NIBAN1: variants seen among roughly 807,000 people sequenced by gnomAD.
The protein encoded by NIBAN1 is protein Niban 1.
A neutral mutation model predicts 75.1 loss-of-function variants in NIBAN1; 81 were observed. The ratio of observed to expected loss-of-function variants is 1.08; its 90% CI spans 0.90 to 1.30. NIBAN1 has a LOEUF of 1.30. NIBAN1 is among the 50% of genes most tolerant of loss of function. NIBAN1 has a pLI of 0.00. For synonymous variants in NIBAN1, 436 were observed against 424.8 expected (o/e 1.03, Z -0.32); for missense variants, 1,133 against 1,128.1 (o/e 1.00, Z -0.06).
At chr1:184,917,967 C>A (rs1657438783) in intron 1 of NIBAN1, among the ~76,000 whole-genome samples, 1 of 152,172 alleles carries the variant, frequency 6.6e-6, no homozygotes, top group Admixed American at 6.5e-5. Context: ...AAAAACGCAA[C>A]CCCACTGAAC....
intron 5 of NIBAN1, among the ~76,000 whole-genome samples, chr1:184,871,642 A>C (rs1320804378): frequency 6.6e-6 from 1 of 152,188 alleles, no homozygotes; most frequent in Non-Finnish European, 1.5e-5. Flanking sequence ...GCAAGTCTTG[A>C]AGCTAGTTTT....
chr1:184,923,129 A>T (rs1407200644), intron 1 of NIBAN1, among the ~76,000 whole-genome samples: 1 of 152,196 alleles, frequency 6.6e-6, no homozygotes, highest in Non-Finnish European at 1.5e-5. Context: ...TTACTCAAGA[A>T]ACCTTTGCTC....
At chr1:184,796,644 A>G (rs890380625) in intron 13 of NIBAN1, among the ~76,000 whole-genome samples, 2 of 152,204 alleles carry the variant, frequency 1.3e-5, no homozygotes, top group South Asian at 2.1e-4. Flanking sequence ...GGCAAATCCA[A>G]TAACAACAAC....
At chr1:184,839,691 G>C (rs1294805728) in intron 5 of NIBAN1, among the ~76,000 whole-genome samples, 1 of 151,960 alleles carries the variant, frequency 6.6e-6, no homozygotes, top group African/African-American at 2.4e-5. Context: ...CACCTCCCGG[G>C]TTCAAGCGAT....
At chr1:184,856,810 G>T (rs569827028) in intron 5 of NIBAN1, among the ~76,000 whole-genome samples, 203 of 152,322 alleles carry the variant, frequency 1.3e-3, no homozygotes, top group African/African-American at 4.4e-3. Flanking sequence ...TAAGTGTTTG[G>T]CAAAAGAAGG....
At position 184,823,125 on chromosome 1, in the gene NIBAN1, C is replaced by A. The variant is rs558716791; in HGVS notation, c.985+42G>T. 1.1e-5 allele frequency: 18 copies of A among 1,600,510 alleles called. No homozygotes were observed. The African/African-American group carries it at 2.4e-4, about 21-fold the overall frequency. On this transcript the variant is annotated intron_variant, in intron 8 of 13. Transcript: ENST00000367511. Reference sequence around the variant, plus strand: ...GCTATGTGGTGGATCCCTGCATGTACAGCTTATTTAATTAGTAAGAGCATG... The same window carrying A: ...GCTATGTGGTGGATCCCTGCATGTAAAGCTTATTTAATTAGTAAGAGCATG...
intron 6 of NIBAN1, among the ~76,000 whole-genome samples, chr1:184,830,986 C>T (rs906987716): frequency 4.2e-5 from 5 of 118,102 alleles, no homozygotes; most frequent in African/African-American, 1.4e-4. Flanking sequence ...GGCCACAGAG[C>T]GAGACTCCTC....
At chr1:184,972,695 C>T (rs1465033035) in intron 1 of NIBAN1, among the ~76,000 whole-genome samples, 1 of 152,212 alleles carries the variant, frequency 6.6e-6, no homozygotes, top group Admixed American at 6.5e-5. Context: ...TCTGCCCTAA[C>T]TCCCTCGTAC....
chr1:184,892,457 AC>A (rs987915865), intron 3 of NIBAN1, among the ~76,000 whole-genome samples: 2 of 152,216 alleles, frequency 1.3e-5, no homozygotes, highest in African/African-American at 4.8e-5. Flanking sequence ...GTCATACAAA[AC>A]ATAAGGTGTC....
At chr1:184,812,105 A>G (rs1405050127) in intron 9 of NIBAN1, among the ~76,000 whole-genome samples, 1 of 152,144 alleles carries the variant, frequency 6.6e-6, no homozygotes, top group Non-Finnish European at 1.5e-5. Context: ...GGCCTCCCTG[A>G]GCTCTTCACC....
chr1:184,939,675 C>T lies in NIBAN1; in HGVS notation c.55+34627G>A, dbSNP rs114935854. On this transcript the variant is annotated intron_variant, in intron 1 of 13. Coordinates refer to ENST00000367511, the MANE Select transcript of NIBAN1 (RefSeq NM_052966.4). ...GAAAAACTGTGGGCAAGTTATCTAACTTTCCTGTGCTTTGCTTTCCTCATT... is the reference window on the plus strand; with the variant it reads ...GAAAAACTGTGGGCAAGTTATCTAATTTTCCTGTGCTTTGCTTTCCTCATT... 5.5e-3 allele frequency among the ~76,000 whole-genome samples: 838 copies of T among 152,292 alleles called. 7 individuals are homozygous for T. Among genetic ancestry groups the T allele is most frequent in the Middle Eastern group, 0.017 (5 of 294 alleles).
intron 1 of NIBAN1, among the ~76,000 whole-genome samples, chr1:184,909,307 T>C (rs1016179788): frequency 6.6e-6 from 1 of 152,200 alleles, no homozygotes; most frequent in African/African-American, 2.4e-5. Context: ...TCCTATGTTT[T>C]TTTCTTTTTC....
At chr1:184,868,846 G>A (rs73050643) in intron 5 of NIBAN1, among the ~76,000 whole-genome samples, 10,581 of 152,104 alleles carry the variant, frequency 0.07, 1,217 homozygotes, top group African/African-American at 0.24. Context: ...GCTTGAAGTC[G>A]GCCTGCTTGG....
intron 1 of NIBAN1, among the ~76,000 whole-genome samples, chr1:184,950,759 G>A (rs1033581922): frequency 1.3e-5 from 2 of 152,090 alleles, no homozygotes; most frequent in Admixed American, 6.5e-5. Context: ...GACAATAATC[G>A]ACATAGAACA....
chr1:184,797,997 C>G lies in NIBAN1; in HGVS notation c.1666+82G>C, dbSNP rs570976438. On this transcript the variant is annotated intron_variant, in intron 13 of 13. Coordinates refer to ENST00000367511, the MANE Select transcript of NIBAN1 (RefSeq NM_052966.4). Reference sequence around the variant, plus strand: ...TGTCCATTTCCTCTTCTCTTTTCCTCCCTGACTGGCCTTACAGAGTCCTAT... The same window carrying G: ...TGTCCATTTCCTCTTCTCTTTTCCTGCCTGACTGGCCTTACAGAGTCCTAT... The G allele has an allele frequency of 1.1e-4, 78 of 735,898 alleles. No individual in the cohort carries two copies. In the African/African-American group the frequency reaches 1.2e-3, roughly 12 times the overall value. 45.6% of individuals were successfully genotyped at this position (735,898 alleles called of 1,614,324 possible). A position where few individuals can be genotyped will look rare whatever the true frequency, so the allele number is the denominator to read the frequency against.
chr1:184,812,927 T>G (rs1216510275), intron 9 of NIBAN1, among the ~76,000 whole-genome samples: 1 of 152,254 alleles, frequency 6.6e-6, no homozygotes, highest in Non-Finnish European at 1.5e-5. Context: ...TCTGGGAGAT[T>G]ACCTACTTTG....
At chr1:184,858,738 C>T (rs1055172517) in intron 5 of NIBAN1, among the ~76,000 whole-genome samples, 2 of 152,070 alleles carry the variant, frequency 1.3e-5, no homozygotes, top group South Asian at 2.1e-4. Flanking sequence ...TACAAGGACA[C>T]GTATTTAATC....
chr1:184,846,016 T>C (rs1424835756), intron 5 of NIBAN1, among the ~76,000 whole-genome samples: 1 of 84,496 alleles, frequency 1.2e-5, no homozygotes, highest in African/African-American at 5.6e-5. Flanking sequence ...CAGTCTGAGA[T>C]CAAACTGCAA....
intron 9 of NIBAN1, among the ~76,000 whole-genome samples, chr1:184,817,275 A>T (rs897505270): frequency 6.6e-6 from 1 of 152,162 alleles, no homozygotes; most frequent in Non-Finnish European, 1.5e-5. Context: ...TCTATCATTG[A>T]TGGACATTTG....
Sources: allele counts gnomAD v4.1 joint callset (sites outside exome capture counted in the v4.1 genomes callset), GRCh38; gene constraint gnomAD v4.1.1; transcripts MANE v1.5; gene names NCBI Gene and HGNC (gene_info 2026-07-23, HGNC 2026-07-21).